Variants in TTLL11 observed in about 807,000 individuals in gnomAD.
The protein encoded by TTLL11 is tubulin polyglutamylase TTLL11.
A neutral mutation model predicts 51.7 loss-of-function variants in TTLL11; 42 were observed. That is an observed-to-expected ratio of 0.81 (90% confidence interval 0.64 to 1.05). The LOEUF (loss-of-function observed/expected upper bound fraction) is 1.05. Among genes scored for constraint, TTLL11 ranks in the 50% least tolerant of loss-of-function variants. TTLL11 has a pLI of 0.00. For missense variants in TTLL11, 799 were observed against 940.4 expected (o/e 0.85, Z 1.97); for synonymous variants, 381 against 383.5 (o/e 0.99, Z 0.08).
intron 6 of TTLL11, among the ~76,000 whole-genome samples, chr9:121,971,946 C>T (rs1842590257): frequency 6.6e-6 from 1 of 151,724 alleles, no homozygotes. Flanking sequence ...AACACATGAG[C>T]ACAGGGAGGG....
intron 4 of TTLL11, among the ~76,000 whole-genome samples, chr9:121,985,121 T>C (rs1189051738): frequency 6.6e-6 from 1 of 152,222 alleles, no homozygotes; most frequent in Non-Finnish European, 1.5e-5. Flanking sequence ...GTCACATGTT[T>C]AAGATAAATG....
intron 6 of TTLL11, among the ~76,000 whole-genome samples, chr9:121,893,890 C>G (rs187914833): frequency 6.6e-6 from 1 of 152,186 alleles, no homozygotes; most frequent in South Asian, 2.1e-4. Flanking sequence ...ATGAACTATT[C>G]TTTGCAAGCT....
Position 121,919,776 on chromosome 9 carries a change from C to T in TTLL11, c.1482-49028G>A, listed in dbSNP as rs563999933. ...CTTGTAATCCCAGCATCTTGGGAGT[C>T]TGAGAGGGAAGGATCACTTGAGGCC... On this transcript the variant is annotated intron_variant, in intron 6 of 8. Transcript: ENST00000321582. Among the ~76,000 whole-genome samples, 3 of 143,582 alleles carry T rather than the reference C, an allele frequency of 2.1e-5. No individual in the cohort carries two copies. In the East Asian group the frequency reaches 6.3e-4, roughly 30 times the overall value. The allele number at this position is 143,582 out of a possible 152,430, so 94.2% of individuals were successfully genotyped here.
intron 6 of TTLL11, among the ~76,000 whole-genome samples, chr9:121,871,230 T>C (rs1838346077): frequency 6.6e-6 from 1 of 152,174 alleles, no homozygotes; most frequent in African/African-American, 2.4e-5. Flanking sequence ...AACTGTTTTT[T>C]TTTTTTAAAT....
At chr9:122,015,352 T>C (rs1304835374) in intron 3 of TTLL11, among the ~76,000 whole-genome samples, 4 of 152,156 alleles carry the variant, frequency 2.6e-5, no homozygotes, top group African/African-American at 4.8e-5. Context: ...AGTTCTATTT[T>C]TGGCAACAAA....
At chr9:121,838,830 A>G (rs1323442274) in intron 8 of TTLL11, among the ~76,000 whole-genome samples, 1 of 152,180 alleles carries the variant, frequency 6.6e-6, no homozygotes, top group Non-Finnish European at 1.5e-5. Flanking sequence ...GCAAGCAAAG[A>G]TAGATCAAAC....
At chr9:121,948,875 G>A (rs1220309668) in intron 6 of TTLL11, among the ~76,000 whole-genome samples, 2 of 152,162 alleles carry the variant, frequency 1.3e-5, no homozygotes, top group African/African-American at 4.8e-5. Context: ...CGGTATAAGA[G>A]CAAGAACATG....
At chr9:121,931,580 T>C (rs1588134381) in intron 6 of TTLL11, among the ~76,000 whole-genome samples, 1 of 74,212 alleles carries the variant, frequency 1.3e-5, no homozygotes, top group Admixed American at 1.5e-4. Context: ...CTGTTTCTAC[T>C]ATTTAAAAAA....
At position 121,989,037 on chromosome 9, in the gene TTLL11, G is replaced by C; in HGVS notation, c.1269+158C>G. 1 of 1,495,588 alleles carries C rather than the reference G, an allele frequency of 6.7e-7. No homozygotes were observed. The highest frequency in any genetic ancestry group is 2.3e-5 in the Admixed American group (1 of 43,250). The allele number at this position is 1,495,588 out of a possible 1,614,324, so 92.6% of individuals were successfully genotyped here. ...ACACAGGGAGCAAACAGAAAGCTTG[G>C]AAGTTGGGCCCAGGTTTAACACCCA... On this transcript the variant is annotated intron_variant, in intron 4 of 8. Coordinates refer to ENST00000321582, the MANE Select transcript of TTLL11 (RefSeq NM_001139442.2). The surrounding 1 kb of genome is among the most constrained non-coding windows in gnomAD (Gnocchi z 4.2).
rs1292329096 is a variant in TTLL11 at position 121,964,586 on chromosome 9, C to T, written c.1481+9423G>A. On this transcript the variant is annotated intron_variant, in intron 6 of 8. Transcript: ENST00000321582. The stretch of plus-strand genomic sequence containing the variant: ...TGCTGGGATTACAGGTGTGAGCCAC[C>T]GTGCCTGGCCTCAAATTTCTTGACA... Among the ~76,000 whole-genome samples, 5 of 152,090 alleles carry T rather than the reference C, an allele frequency of 3.3e-5. No homozygotes were observed. The East Asian group carries it at 7.7e-4, about 23-fold the overall frequency.
intron 5 of TTLL11, 85 bp downstream of exon 5, chr9:121,974,799 A>G: frequency 9.2e-7 from 1 of 1,091,884 alleles, no homozygotes; most frequent in Non-Finnish European, 1.3e-6. Flanking sequence ...AGAATGTCCA[A>G]TCTTGTTTTG....
chr9:121,931,250 A>G (rs1329713015), intron 6 of TTLL11, among the ~76,000 whole-genome samples: 2 of 152,208 alleles, frequency 1.3e-5, no homozygotes, highest in Admixed American at 1.3e-4. Context: ...AGCACATGCT[A>G]ATGGCACCAG....
chr9:122,040,931 A>G (rs1844830194), intron 1 of TTLL11, among the ~76,000 whole-genome samples: 1 of 152,234 alleles, frequency 6.6e-6, no homozygotes, highest in South Asian at 2.1e-4. Context: ...TCTAGCTGTT[A>G]AGTGCTAATA....
intron 3 of TTLL11, among the ~76,000 whole-genome samples, chr9:122,000,832 T>C (rs1843438688): frequency 6.6e-6 from 1 of 152,192 alleles, no homozygotes; most frequent in Non-Finnish European, 1.5e-5. Context: ...CTGAATTCTT[T>C]CTTGCACGAG....
chr9:121,845,403 T>C (rs1208090027), intron 8 of TTLL11, among the ~76,000 whole-genome samples: 4 of 152,072 alleles, frequency 2.6e-5, no homozygotes, highest in Admixed American at 6.5e-5. Context: ...GTAACAAATA[T>C]TTAAAAACAA....
Position 122,093,010 on chromosome 9 carries a change from C to A in TTLL11, c.139G>T (p.Ala47Ser). 7 of 1,537,246 alleles carry A rather than the reference C, an allele frequency of 4.6e-6. No homozygotes were observed. The highest frequency in any genetic ancestry group is 5.2e-6 in the Non-Finnish European group (6 of 1,150,424). The change falls in exon 1 of 9, where the codon GCG (alanine) becomes TCG (serine). Residue 47 changes from alanine to serine, a missense_variant. By Grantham distance (99) the Ala-to-Ser change is moderately conservative (BLOSUM62 1). Coordinates refer to ENST00000321582, the MANE Select transcript of TTLL11 (RefSeq NM_001139442.2). ...VAEQVRVDAG[A>S]AGEPECKAGE... The stretch of plus-strand genomic sequence containing the variant: ...GCCTTGCACTCCGGTTCCCCGGCCG[C>A]GCCCGCGTCCACGCGGACCTGTTCC...
At chr9:121,998,813 ATTTG>A (rs757736323) in intron 3 of TTLL11, among the ~76,000 whole-genome samples, 6 of 151,754 alleles carry the variant, frequency 4.0e-5, no homozygotes, top group African/African-American at 7.3e-5. Context: ...TCACTTATTC[ATTTG>A]TTTGTTTGTT....
intron 1 of TTLL11, among the ~76,000 whole-genome samples, chr9:122,070,580 T>C (rs1845701697): frequency 6.6e-6 from 1 of 152,144 alleles, no homozygotes; most frequent in Non-Finnish European, 1.5e-5. Context: ...TACCTGCTCA[T>C]TACTACCCAG....
intron 6 of TTLL11, among the ~76,000 whole-genome samples, chr9:121,919,915 A>G (rs1373801457): frequency 1.3e-5 from 2 of 152,124 alleles, no homozygotes; most frequent in Non-Finnish European, 2.9e-5. Flanking sequence ...CAATGTTAAC[A>G]ATAATAGCTA....
Sources: allele counts gnomAD v4.1 joint callset (sites outside exome capture counted in the v4.1 genomes callset), GRCh38; gene constraint gnomAD v4.1.1; non-coding constraint Gnocchi (gnomAD v3.1); transcripts MANE v1.5; gene names NCBI Gene and HGNC (gene_info 2026-07-23, HGNC 2026-07-21).